Variants in TMEM116 observed in about 807,000 individuals in gnomAD.
TMEM116 encodes the protein transmembrane protein 116.
Under a neutral mutation model 44.3 loss-of-function variants are expected in TMEM116, and 38 were observed. The ratio of observed to expected loss-of-function variants is 0.86; its 90% CI spans 0.66 to 1.12. The LOEUF (loss-of-function observed/expected upper bound fraction) is 1.12, where lower values mean the gene tolerates loss of function less well. Among genes scored for constraint, TMEM116 ranks in the 50% most tolerant of loss-of-function variants. TMEM116 has a pLI of 0.00. For synonymous variants in TMEM116, 132 were observed against 144.8 expected (o/e 0.91, Z 0.64); for missense variants, 354 against 401.7 (o/e 0.88, Z 1.01).
intron 5 of TMEM116, among the ~76,000 whole-genome samples, chr12:111,939,689 A>ATGG (rs1307320812): frequency 2.0e-5 from 3 of 151,438 alleles, no homozygotes; most frequent in African/African-American, 7.3e-5. Context: ...TTAGCCAGGC[A>ATGG]TGGTGGCACA....
At chr12:111,988,346 A>C (rs998088442) in intron 4 of TMEM116, among the ~76,000 whole-genome samples, 11 of 152,216 alleles carry the variant, frequency 7.2e-5, no homozygotes, top group Admixed American at 2.0e-4. Context: ...CATACTTAAA[A>C]ATTTTTTAAT....
At chr12:111,974,373 T>G (rs1348581054) in intron 4 of TMEM116, among the ~76,000 whole-genome samples, 1 of 152,122 alleles carries the variant, frequency 6.6e-6, no homozygotes, top group African/African-American at 2.4e-5. Context: ...CCAGGAGCAG[T>G]GGCTCATGCC....
chr12:111,937,106 A>G, intron 7 of TMEM116, 54 bp downstream of exon 7: 2 of 1,471,322 alleles, frequency 1.4e-6, no homozygotes, highest in Non-Finnish European at 1.9e-6. Flanking sequence ...CTCTATTTAT[A>G]GAAACAAATA....
At chr12:111,937,943 A>G (rs2072300447) in intron 6 of TMEM116, 1 of 349,066 alleles carries the variant, frequency 2.9e-6, no homozygotes, top group Non-Finnish European at 5.3e-6. Context: ...AGTTGATGGT[A>G]GATTTGGAGC....
At position 111,971,489 on chromosome 12, in the gene TMEM116, C is replaced by T. The variant is rs564962034; in HGVS notation, c.210+20269G>A. Among the ~76,000 whole-genome samples the T allele has an allele frequency of 3.7e-4, 53 of 144,158 alleles. 1 individual carries two copies. In the South Asian group the frequency reaches 9.4e-3, roughly 26 times the overall value. The allele number at this position is 144,158 out of a possible 152,430, so 94.6% of individuals were successfully genotyped here. A position where few individuals can be genotyped will look rare whatever the true frequency, so the allele number is the denominator to read the frequency against. On this transcript the variant is annotated intron_variant, in intron 4 of 10. Transcript: ENST00000552374. ...GTACGCTGTAAACCCTGTAACACAA[C>T]CAGTAACTTAAAAAAAAAAAAACTA...
chr12:111,965,786 C>T, intron 4 of TMEM116: 1 of 357,154 alleles, frequency 2.8e-6, no homozygotes. Context: ...AAAAATTAGC[C>T]TTAGCCAGGC....
At chr12:111,990,009 A>T (rs1042208531) in intron 4 of TMEM116, among the ~76,000 whole-genome samples, 3 of 152,202 alleles carry the variant, frequency 2.0e-5, no homozygotes, top group Non-Finnish European at 2.9e-5. Flanking sequence ...TAATCCCAGC[A>T]CTTTGGGAGG....
At chr12:111,932,555 G>C (rs1278524136) in intron 10 of TMEM116, 31 bp downstream of exon 10, 1 of 1,582,720 alleles carries the variant, frequency 6.3e-7, no homozygotes, top group Admixed American at 1.7e-5. Flanking sequence ...GCGGGTGTAA[G>C]AACAGAGATA....
At chr12:111,969,784 TG>T (rs111510050) in intron 4 of TMEM116, among the ~76,000 whole-genome samples, 29,671 of 151,734 alleles carry the variant, frequency 0.2, 3,116 homozygotes, top group Middle Eastern at 0.27. Flanking sequence ...TTCTCCATGT[TG>T]GCTAGGCTGG....
chr12:111,992,521 G>A (rs766134144), intron 3 of TMEM116, among the ~76,000 whole-genome samples: 4 of 151,994 alleles, frequency 2.6e-5, no homozygotes, highest in Non-Finnish European at 4.4e-5. Context: ...CACCCTCCTC[G>A]GCCTCCCAAA....
intron 8 of TMEM116, 77 bp from the exon 9 acceptor site, chr12:111,934,107 A>G: frequency 2.7e-6 from 4 of 1,484,572 alleles, no homozygotes; most frequent in Non-Finnish European, 3.7e-6. Context: ...TATCATTTTA[A>G]AAAGATTATT....
intron 4 of TMEM116, among the ~76,000 whole-genome samples, chr12:111,977,523 T>C (rs2075735288): frequency 6.6e-6 from 1 of 152,132 alleles, no homozygotes; most frequent in Non-Finnish European, 1.5e-5. Context: ...AAACAAAAAC[T>C]ATCACCAAGT....
At chr12:111,998,243 C>T (rs2077037188) in intron 3 of TMEM116, among the ~76,000 whole-genome samples, 1 of 152,118 alleles carries the variant, frequency 6.6e-6, no homozygotes, top group Admixed American at 6.5e-5. Context: ...TAAAACTAGT[C>T]CTAAGAGACA....
intron 4 of TMEM116, among the ~76,000 whole-genome samples, chr12:111,944,811 C>T (rs1441714259): frequency 2.0e-5 from 3 of 152,096 alleles, no homozygotes; most frequent in Admixed American, 6.6e-5. Context: ...GCTTTCTCAT[C>T]AATCAGAGTG....
chr12:111,971,925 T>C (rs1165944078), intron 4 of TMEM116, among the ~76,000 whole-genome samples: 1 of 151,358 alleles, frequency 6.6e-6, no homozygotes, highest in Non-Finnish European at 1.5e-5. Flanking sequence ...AAAAAAATAT[T>C]TTAATTAGCC....
intron 4 of TMEM116, among the ~76,000 whole-genome samples, chr12:111,960,963 T>C (rs931963679): frequency 1.3e-5 from 2 of 151,988 alleles, no homozygotes; most frequent in African/African-American, 2.4e-5. Flanking sequence ...AAGAATCAAA[T>C]AGACACAGTA....
intron 3 of TMEM116, among the ~76,000 whole-genome samples, chr12:111,998,555 T>C (rs2077053415): frequency 6.6e-6 from 1 of 152,220 alleles, no homozygotes; most frequent in Admixed American, 6.5e-5. Flanking sequence ...CAGTGGCTCA[T>C]GCCTGTAATC....
chr12:111,947,016 G>A (rs1228253928), intron 4 of TMEM116, among the ~76,000 whole-genome samples: 1 of 151,750 alleles, frequency 6.6e-6, no homozygotes, highest in East Asian at 1.9e-4. Context: ...TCATATTACA[G>A]GTTTTTCTTT....
intron 4 of TMEM116, among the ~76,000 whole-genome samples, chr12:111,967,044 A>G (rs2075026370): frequency 6.6e-6 from 1 of 152,204 alleles, no homozygotes; most frequent in African/African-American, 2.4e-5. Flanking sequence ...GCTTAGTTTA[A>G]TGATCTTGAT....
Sources: allele counts gnomAD v4.1 joint callset (sites outside exome capture counted in the v4.1 genomes callset), GRCh38; gene constraint gnomAD v4.1.1; transcripts MANE v1.5; gene names NCBI Gene and HGNC (gene_info 2026-07-23, HGNC 2026-07-21).